STK33: variants seen among roughly 807,000 people sequenced by gnomAD.
The protein encoded by STK33 is serine/threonine kinase 33.
A neutral mutation model predicts 58.0 loss-of-function variants in STK33; 52 were observed. The observed-to-expected ratio is 0.90, with a 90% confidence interval of 0.72 to 1.13. STK33 has a LOEUF of 1.13. Among genes scored for constraint, STK33 ranks in the 50% most tolerant of loss-of-function variants. The pLI, the probability that STK33 is intolerant of heterozygous loss-of-function variation, is 0.00. For synonymous variants in STK33, 215 were observed against 200.1 expected (o/e 1.07, Z -0.63); for missense variants, 630 against 604.2 (o/e 1.04, Z -0.45).
chr11:8,593,394 C>T (rs1379081008), intron 1 of STK33, among the ~76,000 whole-genome samples: 1 of 152,128 alleles, frequency 6.6e-6, no homozygotes, highest in Non-Finnish European at 1.5e-5. Context: ...AGCACCAGAC[C>T]ACTCTTAGCA....
intron 1 of STK33, among the ~76,000 whole-genome samples, chr11:8,526,275 C>T (rs11041959): frequency 0.087 from 13,257 of 151,764 alleles, 1,326 homozygotes; most frequent in African/African-American, 0.25. Flanking sequence ...GCCTGTAATC[C>T]CAGCTACTCG....
chr11:8,391,420 G>A (rs1165196342), downstream of STK33, among the ~76,000 whole-genome samples: 1 of 152,142 alleles, frequency 6.6e-6, no homozygotes, highest in Non-Finnish European at 1.5e-5. Context: ...TGACTCATTC[G>A]GAATCACAAT....
At chr11:8,395,306 C>T (rs1352465381) in intron 15 of STK33, among the ~76,000 whole-genome samples, 1 of 152,158 alleles carries the variant, frequency 6.6e-6, no homozygotes, top group East Asian at 1.9e-4. Context: ...CTCACGAAAT[C>T]TGATGGTTTT....
At chr11:8,469,018 G>T (rs180780005) in intron 6 of STK33, among the ~76,000 whole-genome samples, 1 of 152,290 alleles carries the variant, frequency 6.6e-6, no homozygotes, top group Admixed American at 6.5e-5. Flanking sequence ...GCTGGTGGAG[G>T]GTCCTGCCTC....
At chr11:8,395,700 T>C (rs1331169453) in intron 15 of STK33, among the ~76,000 whole-genome samples, 1 of 152,258 alleles carries the variant, frequency 6.6e-6, no homozygotes, top group Non-Finnish European at 1.5e-5. Flanking sequence ...CATAATTTAT[T>C]TAACCAGTCT....
At chr11:8,585,793 A>T (rs1411380593) in intron 1 of STK33, among the ~76,000 whole-genome samples, 1 of 151,430 alleles carries the variant, frequency 6.6e-6, no homozygotes, top group Admixed American at 6.6e-5. Flanking sequence ...AGTGGCTCAC[A>T]CCTGTAATCC....
chr11:8,452,689 G>T, intron 11 of STK33, 133 bp downstream of exon 11: 1 of 702,462 alleles, frequency 1.4e-6, no homozygotes, highest in Non-Finnish European at 2.5e-6. Context: ...TTGAGAGGCT[G>T]AGGTGGGGGG....
In STK33 at chr11:8,473,176, C is replaced by T. The variant is rs1207229910; in HGVS notation, c.326G>A (p.Gly109Glu). The change falls in exon 6 of 16, where the codon GGA becomes GAA. Residue 109 changes from glycine to glutamate, a missense_variant. Transcript: ENST00000687296. Reference sequence around the variant, plus strand: ...CTTTCTATATACCTCAATAGCAGCTCCATTCTCAATCCTTATGTGAGGAAC... The same window carrying T: ...CTTTCTATATACCTCAATAGCAGCTTCATTCTCAATCCTTATGTGAGGAAC... ...GKVPHIRIEN[G>E]AAIEEIYTFG... is the part of the protein sequence containing the mutation. 1 of 1,611,478 alleles carries T rather than the reference C, an allele frequency of 6.2e-7. No individual in the cohort carries two copies. The highest frequency in any genetic ancestry group is 8.5e-7 in the Non-Finnish European group (1 of 1,178,626).
chr11:8,491,031 T>C (rs929948051), intron 1 of STK33, among the ~76,000 whole-genome samples: 2 of 152,196 alleles, frequency 1.3e-5, no homozygotes, highest in African/African-American at 4.8e-5. Flanking sequence ...AGAGCACCTC[T>C]TCTCCTCCAA....
At chr11:8,563,681 T>C (rs937222831) in intron 1 of STK33, among the ~76,000 whole-genome samples, 2 of 152,060 alleles carry the variant, frequency 1.3e-5, no homozygotes, top group Non-Finnish European at 2.9e-5. Flanking sequence ...ATACACAAAG[T>C]GAAGGAAGAG....
At chr11:8,411,202 T>C (rs930236630) in intron 15 of STK33, among the ~76,000 whole-genome samples, 2 of 152,218 alleles carry the variant, frequency 1.3e-5, no homozygotes, top group African/African-American at 4.8e-5. Context: ...TATCTAGATG[T>C]CCTCGGCATG....
the STK33 span, among the ~76,000 whole-genome samples, chr11:8,338,085 C>T: frequency 6.6e-6 from 1 of 152,226 alleles, no homozygotes; most frequent in Non-Finnish European, 1.5e-5. Context: ...GGGGCTTCTG[C>T]CCCTTTTGTT....
intron 14 of STK33, among the ~76,000 whole-genome samples, chr11:8,426,504 C>T (rs1177958356): frequency 6.6e-6 from 1 of 152,174 alleles, no homozygotes; most frequent in East Asian, 1.9e-4. Flanking sequence ...GGGGGTGGAG[C>T]CCTAGCCAGG....
the STK33 span, among the ~76,000 whole-genome samples, chr11:8,360,237 G>T: frequency 2.0e-5 from 3 of 152,212 alleles, no homozygotes; most frequent in Non-Finnish European, 4.4e-5. Context: ...AGGTTGGCTG[G>T]GTGACTCCAC....
chr11:8,553,169 T>A (rs1273560003), intron 1 of STK33, among the ~76,000 whole-genome samples: 13 of 4,922 alleles, frequency 2.6e-3, no homozygotes, highest in East Asian at 0.022. Flanking sequence ...AAAAATAAAA[T>A]ATATATATAT....
chr11:8,462,796 G>C (rs1322353601), intron 7 of STK33, among the ~76,000 whole-genome samples: 1 of 152,092 alleles, frequency 6.6e-6, no homozygotes, highest in Non-Finnish European at 1.5e-5. Flanking sequence ...AGAAATTCTA[G>C]AAGGGCTTTC....
At chr11:8,419,050 T>TA (rs1263941146) in intron 14 of STK33, among the ~76,000 whole-genome samples, 1 of 152,098 alleles carries the variant, frequency 6.6e-6, no homozygotes, top group Non-Finnish European at 1.5e-5. Flanking sequence ...TGTTTGTTGA[T>TA]AGTTTCTTGT....
chr11:8,397,238 C>A (rs57125396), intron 15 of STK33, among the ~76,000 whole-genome samples: 3 of 152,120 alleles, frequency 2.0e-5, no homozygotes, highest in Admixed American at 1.3e-4. Context: ...ACACCTCACA[C>A]GGTCGGGTAC....
At chr11:8,461,778 A>C (rs980330140) in intron 8 of STK33, 27 bp downstream of exon 8, 4 of 1,498,848 alleles carry the variant, frequency 2.7e-6, no homozygotes, top group Non-Finnish European at 3.6e-6. Flanking sequence ...AACAACTTTC[A>C]AAATGCAGCG....
Sources: allele counts gnomAD v4.1 joint callset (sites outside exome capture counted in the v4.1 genomes callset), GRCh38; gene constraint gnomAD v4.1.1; transcripts MANE v1.5; gene names NCBI Gene and HGNC (gene_info 2026-07-23, HGNC 2026-07-21).